The following C14orf132 variants were observed in gnomAD, a reference collection of about 807,000 sequenced individuals.
The protein encoded by C14orf132 is uncharacterized protein C14orf132.
A neutral mutation model predicts 5.8 loss-of-function variants in C14orf132; 6 were observed. That is an observed-to-expected ratio of 1.03 (90% CI 0.57 to 2.04). C14orf132 has a LOEUF of 2.04. C14orf132 is among the 30% of genes most tolerant of loss of function. The pLI is 0.00. For synonymous variants in C14orf132, 51 were observed against 49.8 expected (o/e 1.02, Z -0.10); for missense variants, 125 against 115.8 (o/e 1.08, Z -0.37).
At chr14:96,078,763 C>T (rs954077481) in intron 1 of C14orf132, among the ~76,000 whole-genome samples, 4 of 152,202 alleles carry the variant, frequency 2.6e-5, no homozygotes, top group African/African-American at 9.6e-5. Flanking sequence ...GGAGGACCTG[C>T]CTGCCTGTTC....
intron 1 of C14orf132, among the ~76,000 whole-genome samples, chr14:96,074,597 T>G (rs1887806487): frequency 6.6e-6 from 1 of 152,046 alleles, no homozygotes; most frequent in Non-Finnish European, 1.5e-5. Flanking sequence ...TGTAAGAGAT[T>G]GGGTTCCAAG....
chr14:96,041,545 G>T (rs1886694288), intron 1 of C14orf132, among the ~76,000 whole-genome samples: 1 of 152,210 alleles, frequency 6.6e-6, no homozygotes, highest in Non-Finnish European at 1.5e-5. Context: ...CTTTCTAGTA[G>T]ATTGCTTTCT....
chr14:96,058,192 C>G (rs1031713484), intron 1 of C14orf132, among the ~76,000 whole-genome samples: 3 of 152,176 alleles, frequency 2.0e-5, no homozygotes, highest in African/African-American at 4.8e-5. Context: ...CCTGCCCGCA[C>G]TTCGTGAGGC....
At chr14:96,082,211 G>A (rs545259553) in intron 1 of C14orf132, among the ~76,000 whole-genome samples, 1 of 152,322 alleles carries the variant, frequency 6.6e-6, no homozygotes, top group South Asian at 2.1e-4. Flanking sequence ...AGAAAACCCT[G>A]TTGCTCATTT....
At chr14:96,051,740 C>T (rs1171473708) in intron 1 of C14orf132, among the ~76,000 whole-genome samples, 1 of 152,166 alleles carries the variant, frequency 6.6e-6, no homozygotes, top group Non-Finnish European at 1.5e-5. Flanking sequence ...CCACCCGGGT[C>T]CTGCTGCGTA....
chr14:96,084,708 C>T (rs1888126775), intron 1 of C14orf132, among the ~76,000 whole-genome samples: 1 of 152,130 alleles, frequency 6.6e-6, no homozygotes, highest in African/African-American at 2.4e-5. Flanking sequence ...ACCTGCAGCC[C>T]CCACTCAGAA....
rs1477603352 is a variant in C14orf132 at position 96,092,622 on chromosome 14, AG to A, written c.*5890del. 3.4e-4 allele frequency: 52 copies of A among 151,386 alleles called. No homozygotes were observed. The highest frequency in any genetic ancestry group is 1.1e-3 in the African/African-American group (47 of 41,178). 9.4% of individuals were successfully genotyped at this position (151,386 alleles called of 1,614,324 possible). On this transcript the variant is annotated 3_prime_UTR_variant, in exon 2 of 2. Coordinates refer to ENST00000555004, the MANE Select transcript of C14orf132 (RefSeq NM_001252507.3). ...CCCAACAATGCAGATGGTTCTGACA[AG>A]GGCTCTATATGCTGGCAGAAGGGAG...
chr14:96,058,797 G>T (rs1265843002), intron 1 of C14orf132, among the ~76,000 whole-genome samples: 1 of 152,234 alleles, frequency 6.6e-6, no homozygotes, highest in Non-Finnish European at 1.5e-5. Context: ...TGCAGCAGTA[G>T]GGCTGCCACT....
At chr14:96,055,009 A>G (rs1887136756) in intron 1 of C14orf132, among the ~76,000 whole-genome samples, 1 of 152,222 alleles carries the variant, frequency 6.6e-6, no homozygotes, top group Admixed American at 6.5e-5. Context: ...TTTGAAGCTT[A>G]GCACAGATAT....
In C14orf132 at chr14:96,087,540, T is replaced by C. The variant is rs1179500696; in HGVS notation, c.*805T>C. 6.6e-6 allele frequency: 1 copy of C among 152,110 alleles called. No individual in the cohort carries two copies. The highest frequency in any genetic ancestry group is 1.5e-5 in the Non-Finnish European group (1 of 68,046). 9.4% of individuals were successfully genotyped at this position (152,110 alleles called of 1,614,324 possible). ...AACAAGATTCACATCCACTGAATTA[T>C]TCAACGGATGGGTCAGAAAGGGGGG... On this transcript the variant is annotated 3_prime_UTR_variant, in exon 2 of 2. Coordinates refer to ENST00000555004, the MANE Select transcript of C14orf132 (RefSeq NM_001252507.3).
chr14:96,048,793 T>C (rs1886910550), intron 1 of C14orf132, among the ~76,000 whole-genome samples: 1 of 152,168 alleles, frequency 6.6e-6, no homozygotes, highest in African/African-American at 2.4e-5. Context: ...CCCAAAGTGC[T>C]GGGATTACAG....
In C14orf132 at chr14:96,090,784, T is replaced by A. The variant is rs10148419; in HGVS notation, c.*4049T>A. On this transcript the variant is annotated 3_prime_UTR_variant, in exon 2 of 2. Coordinates refer to ENST00000555004, the MANE Select transcript of C14orf132 (RefSeq NM_001252507.3). Reference sequence around the variant, plus strand: ...CGGTTCAGCTGGAAGGCTTGGAGGCTGGCCAGACCACTCTGGCGTCTCCTG... The same window carrying A: ...CGGTTCAGCTGGAAGGCTTGGAGGCAGGCCAGACCACTCTGGCGTCTCCTG... 4 of 455,964 alleles carry A rather than the reference T, an allele frequency of 8.8e-6. No individual in the cohort carries two copies. The highest frequency in any genetic ancestry group is 8.0e-5 in the African/African-American group (4 of 50,074). The allele number at this position is 455,964 out of a possible 1,614,324, so 28.2% of individuals were successfully genotyped here. A position where few individuals can be genotyped will look rare whatever the true frequency, so the allele number is the denominator to read the frequency against.
chr14:96,039,632 G>T lies in C14orf132; in HGVS notation c.27+105G>T, dbSNP rs923100756. On this transcript the variant is annotated intron_variant, in intron 1 of 1. Transcript: ENST00000555004. This position sits in a 1 kb window ranked among gnomAD's most constrained non-coding sequence, Gnocchi z 5.3. ...GGGCTGGGCAGTGGCGCCCGCCCGC[G>T]ATCCGCGTCCCGGTCCTTTGTCCCG... 45 of 1,183,168 alleles carry T rather than the reference G, an allele frequency of 3.8e-5. No homozygotes were observed. Among genetic ancestry groups the T allele is most frequent in the Non-Finnish European group, 4.6e-5 (41 of 895,624 alleles). The allele number at this position is 1,183,168 out of a possible 1,614,324, so 73.3% of individuals were successfully genotyped here.
intron 1 of C14orf132, among the ~76,000 whole-genome samples, chr14:96,062,762 C>T (rs993662808): frequency 1.3e-5 from 2 of 152,168 alleles, no homozygotes; most frequent in African/African-American, 2.4e-5. Flanking sequence ...AGGATTAAAG[C>T]GCTGTCTTCA....
intron 1 of C14orf132, among the ~76,000 whole-genome samples, chr14:96,050,499 C>T (rs144535761): frequency 2.6e-5 from 4 of 151,982 alleles, no homozygotes; most frequent in Admixed American, 6.6e-5. Flanking sequence ...TCTTTCCCTG[C>T]CTCAGGCAGT....
intron 1 of C14orf132, among the ~76,000 whole-genome samples, chr14:96,064,944 G>A (rs1165231281): frequency 2.0e-5 from 3 of 152,218 alleles, no homozygotes; most frequent in African/African-American, 7.2e-5. Context: ...AGGCTTTGCT[G>A]GTTGGCAGGG....
At chr14:96,072,440 G>A (rs1050225549) in intron 1 of C14orf132, among the ~76,000 whole-genome samples, 4 of 152,182 alleles carry the variant, frequency 2.6e-5, no homozygotes, top group African/African-American at 7.2e-5. Context: ...CGCCGGGCTT[G>A]CCACAGTGCC....
intron 1 of C14orf132, among the ~76,000 whole-genome samples, chr14:96,073,735 A>G (rs375791806): frequency 6.6e-6 from 1 of 152,224 alleles, no homozygotes; most frequent in East Asian, 1.9e-4. Flanking sequence ...AGATACATGC[A>G]TGTGTATGTT....
intron 1 of C14orf132, among the ~76,000 whole-genome samples, chr14:96,068,138 T>C (rs1467903926): frequency 1.3e-5 from 2 of 152,174 alleles, no homozygotes; most frequent in African/African-American, 2.4e-5. Context: ...TGATACCCAG[T>C]AGCAAATCTT....
Sources: allele counts gnomAD v4.1 joint callset (sites outside exome capture counted in the v4.1 genomes callset), GRCh38; gene constraint gnomAD v4.1.1; non-coding constraint Gnocchi (gnomAD v3.1); transcripts MANE v1.5; gene names NCBI Gene and HGNC (gene_info 2026-07-23, HGNC 2026-07-21).